Variants in TMEM221 observed in about 807,000 individuals in gnomAD.
TMEM221 encodes Putative transmembrane protein ENSP00000342162.
In TMEM221, 11 loss-of-function variants were observed where a neutral mutation model predicts 10.2. That is an observed-to-expected ratio of 1.08 (90% CI 0.68 to 1.79). The LOEUF is 1.79. Ranked by LOEUF, TMEM221 falls within the 40% of genes most tolerant of loss-of-function variation. TMEM221 has a pLI of 0.00. For missense variants in TMEM221, 382 were observed against 417.7 expected (o/e 0.91, Z 0.75); for synonymous variants, 172 against 199.8 (o/e 0.86, Z 1.18).
rs2074960530 is a variant in TMEM221, at chr19:17,448,260, A to T, written c.203T>A (p.Leu68Gln). The change falls in exon 1 of 3, where the codon CTG becomes CAG. Residue 68 changes from leucine to glutamine, a missense_variant. Physicochemically the swap from Leu to Gln is moderately radical, Grantham distance 113. Coordinates refer to ENST00000341130, the MANE Select transcript of TMEM221 (RefSeq NM_001190844.2). This position sits in a 1 kb window ranked among gnomAD's most constrained non-coding sequence, Gnocchi z 4.7. Reference sequence around the variant, plus strand: ...CGCGGCCAGCGCGGCGGCCAGCGGCAGCAGCGTCCCGGCCGCGTCCTCTGG... The same window carrying T: ...CGCGGCCAGCGCGGCGGCCAGCGGCTGCAGCGTCCCGGCCGCGTCCTCTGG... ...GLPEDAAGTL[L>Q]PLAAALAALV... 7.9e-7 allele frequency: 1 copy of T among 1,270,210 alleles called. No homozygotes were observed. Among genetic ancestry groups the T allele is most frequent in the South Asian group, 2.5e-5 (1 of 40,184 alleles). 78.7% of individuals were successfully genotyped at this position (1,270,210 alleles called of 1,614,324 possible). A position where few individuals can be genotyped will look rare whatever the true frequency, so the allele number is the denominator to read the frequency against.
At chr19:17,447,100 T>C (rs2074955736) in intron 1 of TMEM221, among the ~76,000 whole-genome samples, 1 of 151,578 alleles carries the variant, frequency 6.6e-6, no homozygotes, top group Non-Finnish European at 1.5e-5. Context: ...TGGGCACCTG[T>C]AATCCCAGCT....
chr19:17,444,369 C>T (rs944138577), intron 2 of TMEM221, among the ~76,000 whole-genome samples: 2 of 151,752 alleles, frequency 1.3e-5, no homozygotes, highest in African/African-American at 4.8e-5. Flanking sequence ...AGGCGTGAGC[C>T]ACTGCGCCTG....
At chr19:17,442,523 T>G (rs1451901623) in intron 2 of TMEM221, among the ~76,000 whole-genome samples, 1 of 150,904 alleles carries the variant, frequency 6.6e-6, no homozygotes, top group Non-Finnish European at 1.5e-5. Flanking sequence ...CAGTGCAACC[T>G]CTGCCTCCCA....
At chr19:17,442,113 G>A (rs1226966422) in intron 2 of TMEM221, among the ~76,000 whole-genome samples, 4 of 152,050 alleles carry the variant, frequency 2.6e-5, no homozygotes, top group Non-Finnish European at 5.9e-5. Context: ...GTTGGCCTGT[G>A]CAAAGACTCA....
rs185771970 is a variant in TMEM221 at position 17,438,331 on chromosome 19, G to A, written c.407-1404C>T. Among the ~76,000 whole-genome samples the A allele has an allele frequency of 6.6e-5, 10 of 151,892 alleles. No individual in the cohort carries two copies. The East Asian group carries it at 1.2e-3, about 18-fold the overall frequency. On this transcript the variant is annotated intron_variant, in intron 2 of 2. Coordinates refer to ENST00000341130, the MANE Select transcript of TMEM221 (RefSeq NM_001190844.2). ...TTGAACTCCTGACCTCAGGTGATCC[G>A]CCCACCTTGGCCTTCCAAACTGCTG...
chr19:17,445,251 G>A lies in TMEM221; in HGVS notation c.354C>T (p.Leu118=). Residue 118 remains leucine (L), a synonymous_variant, in exon 2 of 3, where the codon CTC becomes CTT. Coordinates refer to ENST00000341130, the MANE Select transcript of TMEM221 (RefSeq NM_001190844.2). ...AGAAAAGGCCAAGGGCCACATGTCT[G>A]AGGAGGCGGCAGTCGTAGAGAAACC... ...SDWFLYDCRL[L]RHVALGLFCC... is the part of the protein sequence containing the mutation. 6.5e-7 allele frequency: 1 copy of A among 1,535,948 alleles called. No individual in the cohort carries two copies. The highest frequency in any genetic ancestry group is 8.7e-7 in the Non-Finnish European group (1 of 1,146,694).
rs1344700804 is a variant in TMEM221 at position 17,436,542 on chromosome 19, C to T, written c.792G>A (p.Gly264=). 1.3e-6 allele frequency: 2 copies of T among 1,536,070 alleles called. No individual in the cohort carries two copies. Among genetic ancestry groups the T allele is most frequent in the South Asian group, 2.4e-5 (2 of 84,056 alleles). The change falls in exon 3 of 3, where the codon GGG becomes GGA. Residue 264 remains glycine (G), a synonymous_variant. Coordinates refer to ENST00000341130, the MANE Select transcript of TMEM221 (RefSeq NM_001190844.2). ...RMHRTLSAGL[G]HWDGVTHEMR... is the part of the protein sequence containing the mutation. Reference sequence around the variant, plus strand: ...TCTCGTGCGTAACCCCGTCCCAGTGCCCCAGGCCAGCCGACAGTGTCCGGT... The same window carrying T: ...TCTCGTGCGTAACCCCGTCCCAGTGTCCCAGGCCAGCCGACAGTGTCCGGT...
chr19:17,444,981 C>T, intron 2 of TMEM221: 1 of 409,860 alleles, frequency 2.4e-6, no homozygotes, highest in Middle Eastern at 6.1e-4. Context: ...TCAGAATCTC[C>T]TCAAGTGATT....
intron 2 of TMEM221, 109 bp from the exon 3 acceptor site, chr19:17,437,036 C>G (rs1228034686): frequency 3.9e-6 from 3 of 763,304 alleles, no homozygotes; most frequent in Non-Finnish European, 5.7e-6. Context: ...TGCCACATGA[C>G]AGGCACATAG....
rs186899872 is a variant in TMEM221 at position 17,436,520 on chromosome 19, C to T, written c.814G>A (p.Glu272Lys). 3.9e-6 allele frequency: 6 copies of T among 1,535,640 alleles called. No individual in the cohort carries two copies. Among genetic ancestry groups the T allele is most frequent in the South Asian group, 2.4e-5 (2 of 84,002 alleles). ...CTGTGGCCCAGCATTCGACGCATCT[C>T]GTGCGTAACCCCGTCCCAGTGCCCC... is the stretch of plus-strand genomic sequence containing the variant. ...GLGHWDGVTH[E>K]MRRMLGHRPG... Residue 272 changes from glutamate (E) to lysine (K), a missense_variant, in exon 3 of 3, where the codon GAG becomes AAG. Glu to Lys is a moderately conservative substitution (Grantham distance 56). Coordinates refer to ENST00000341130, the MANE Select transcript of TMEM221 (RefSeq NM_001190844.2).
Position 17,445,189 on chromosome 19 carries a change from C to T in TMEM221, c.406+10G>A. 2 of 1,534,700 alleles carry T rather than the reference C, an allele frequency of 1.3e-6. No homozygotes were observed. The highest frequency in any genetic ancestry group is 1.2e-5 in the South Asian group (1 of 84,024). ...GGGTCCCATGCCCCACGTTCTATTC[C>T]AGCACACACCTGCTAAATAGACGGA... is the stretch of plus-strand genomic sequence containing the variant. On this transcript the variant is annotated intron_variant, in intron 2 of 2. Coordinates refer to ENST00000341130, the MANE Select transcript of TMEM221 (RefSeq NM_001190844.2).
In TMEM221 at chr19:17,441,829, C is replaced by CT. The variant is rs78570249; in HGVS notation, c.406+3369dup. Among the ~76,000 whole-genome samples the CT allele has an allele frequency of 3.6e-3, 455 of 124,832 alleles. 2 individuals are homozygous for CT. The highest frequency in any genetic ancestry group is 8.8e-3 in the African/African-American group (301 of 34,226). 81.9% of individuals were successfully genotyped at this position (124,832 alleles called of 152,430 possible). On this transcript the variant is annotated intron_variant, in intron 2 of 2. Transcript: ENST00000341130. ...CCACATGTGAAAGCAAGGCCAAGGA[C>CT]TTTTTTTTTTTTTTTGGCTGGAAAC... is the stretch of plus-strand genomic sequence containing the variant.
Position 17,436,905 on chromosome 19 carries a change from T to G in TMEM221, c.429A>C (p.Leu143=). The change falls in exon 3 of 3, where the codon CTA becomes CTC. Residue 143 remains leucine, a synonymous_variant. Transcript: ENST00000341130. Reference sequence around the variant, plus strand: ...CTGCGCCTGTCTCGATCTCGAAAAGTAGCAAGGCATAGATGGACAGTGCTA... The same window carrying G: ...CTGCGCCTGTCTCGATCTCGAAAAGGAGCAAGGCATAGATGGACAGTGCTA... The part of the protein sequence containing the change: ...YLAALSIYAL[L]LFEIETGAAA... 2 of 1,430,424 alleles carry G rather than the reference T, an allele frequency of 1.4e-6. No individual in the cohort carries two copies. The highest frequency in any genetic ancestry group is 1.8e-6 in the Non-Finnish European group (2 of 1,094,664). The allele number at this position is 1,430,424 out of a possible 1,614,324, so 88.6% of individuals were successfully genotyped here.
chr19:17,443,090 GCTAACACGGTGAA>G (rs1232001043), intron 2 of TMEM221, among the ~76,000 whole-genome samples: 2 of 151,668 alleles, frequency 1.3e-5, no homozygotes, highest in East Asian at 3.9e-4. Context: ...GACCATCCTG[GCTAACACGGTGAA>G]ACCCCGTCTC....
intron 2 of TMEM221, 200 bp downstream of exon 2, chr19:17,444,999 G>T (rs1247896480): frequency 4.4e-6 from 2 of 458,630 alleles, no homozygotes; most frequent in Non-Finnish European, 4.0e-6. Context: ...ATTCTGTGAG[G>T]TAATGACAGT....
intron 2 of TMEM221, among the ~76,000 whole-genome samples, chr19:17,443,199 T>C (rs1214414235): frequency 6.6e-6 from 1 of 152,212 alleles, no homozygotes; most frequent in Non-Finnish European, 1.5e-5. Flanking sequence ...AAGAGTGGCA[T>C]GAACCCAGGA....
chr19:17,436,202 G>C lies in TMEM221; in HGVS notation c.*256C>G. ...TGTTCTGGCCAGTGGGATATAAAAAGAAGGGTTTCGAGGCTTCCTGGGAAG... is the reference window on the plus strand; with the variant it reads ...TGTTCTGGCCAGTGGGATATAAAAACAAGGGTTTCGAGGCTTCCTGGGAAG... On this transcript the variant is annotated 3_prime_UTR_variant, in exon 3 of 3. Coordinates refer to ENST00000341130, the MANE Select transcript of TMEM221 (RefSeq NM_001190844.2). The C allele has an allele frequency of 2.1e-6, 1 of 466,902 alleles. No individual in the cohort carries two copies. Among genetic ancestry groups the C allele is most frequent in the Non-Finnish European group, 3.8e-6 (1 of 263,692 alleles). 28.9% of individuals were successfully genotyped at this position (466,902 alleles called of 1,614,324 possible).
At chr19:17,443,424 C>T (rs1004920996) in intron 2 of TMEM221, among the ~76,000 whole-genome samples, 8 of 151,784 alleles carry the variant, frequency 5.3e-5, no homozygotes, top group African/African-American at 1.9e-4. Context: ...CTCTCAGGTT[C>T]AAGTGATTCT....
intron 2 of TMEM221, among the ~76,000 whole-genome samples, chr19:17,440,319 C>T (rs111829830): frequency 0.15 from 21,720 of 149,548 alleles, 1,592 homozygotes; most frequent in Non-Finnish European, 0.16. Flanking sequence ...CTCTGCCTCC[C>T]GGGTTCACGC....
Sources: allele counts gnomAD v4.1 joint callset (sites outside exome capture counted in the v4.1 genomes callset), GRCh38; gene constraint gnomAD v4.1.1; non-coding constraint Gnocchi (gnomAD v3.1); transcripts MANE v1.5; gene names NCBI Gene and HGNC (gene_info 2026-07-23, HGNC 2026-07-21).